SPINK6: variants seen among roughly 807,000 people sequenced by gnomAD.
The protein encoded by SPINK6 is serine protease inhibitor Kazal-type 6.
In SPINK6, 13 loss-of-function variants were observed where a neutral mutation model predicts 11.7. The observed-to-expected ratio is 1.11, with a 90% confidence interval of 0.72 to 1.76. The LOEUF is 1.76. SPINK6 is among the 40% of genes most tolerant of loss of function. The pLI is 0.00. For missense variants in SPINK6, 98 were observed against 93.7 expected, an observed-to-expected ratio of 1.05 and a Z score of -0.19; for synonymous variants, 21 against 31.9, an observed-to-expected ratio of 0.66 and a Z score of 1.15.
Position 148,203,367 on chromosome 5 carries a change from C to T in SPINK6, c.58+213C>T, listed in dbSNP as rs186002620. On this transcript the variant is annotated intron_variant, in intron 1 of 3. Transcript: ENST00000325630. ...TGTTGAGCATATACTATATTCTAGG[C>T]ATGTACGAAGGGATTTTATGTATTG... Among the ~76,000 whole-genome samples, 197 of 152,108 alleles carry T rather than the reference C, an allele frequency of 1.3e-3. 1 individual carries two copies. Among genetic ancestry groups the T allele is most frequent in the African/African-American group, 4.6e-3 (189 of 41,492 alleles).
At chr5:148,210,224 A>G (rs145632715) in intron 2 of SPINK6, among the ~76,000 whole-genome samples, 96 of 133,194 alleles carry the variant, frequency 7.2e-4, no homozygotes, top group African/African-American at 2.7e-3. Flanking sequence ...ATGCATATGT[A>G]TTTCTGCATG....
chr5:148,203,842 C>T (rs1047039366), intron 1 of SPINK6, among the ~76,000 whole-genome samples: 1 of 152,088 alleles, frequency 6.6e-6, no homozygotes, highest in African/African-American at 2.4e-5. Context: ...TTTTTTAAGA[C>T]AGAACCATCG....
At chr5:148,205,897 A>G in intron 1 of SPINK6, 139 bp from the exon 2 acceptor site, 1 of 924,190 alleles carries the variant, frequency 1.1e-6, no homozygotes. Flanking sequence ...GAAGAAAACA[A>G]AAACAAACAA....
Position 148,214,903 on chromosome 5 carries a change from AG to A in SPINK6, c.198del. On this transcript the variant is annotated splice_acceptor_variant, in intron 3 of 3. Transcript: ENST00000325630. LOFTEE classifies it high-confidence loss of function. ...GTATATATTTGTCTTTCTTTTTTGT[AG>A]GAAAAGTGGTGGAAAGATTAGCCTA... 6.2e-7 allele frequency: 1 copy of A among 1,613,162 alleles called. No individual in the cohort carries two copies. The highest frequency in any genetic ancestry group is 8.5e-7 in the Non-Finnish European group (1 of 1,179,444).
At position 148,206,063 on chromosome 5, in the gene SPINK6, G is replaced by A. The variant is rs376782164; in HGVS notation, c.81+5G>A. 24 of 1,614,004 alleles carry A rather than the reference G, an allele frequency of 1.5e-5. No homozygotes were observed. Among genetic ancestry groups the A allele is most frequent in the Non-Finnish European group, 1.9e-5 (23 of 1,179,934 alleles). ...GTCTTCAGTCAGGGAGGACAGGTCA[G>A]TGCCTATTTTTATCTCTGCTTTCTG... is the stretch of plus-strand genomic sequence containing the variant. On this transcript the variant is annotated splice_donor_5th_base_variant and intron_variant, in intron 2 of 3. Transcript: ENST00000325630.
At chr5:148,214,139 A>C (rs1755652299) in intron 3 of SPINK6, 114 bp downstream of exon 3, 1 of 522,462 alleles carries the variant, frequency 1.9e-6, no homozygotes, top group Admixed American at 3.7e-5. Flanking sequence ...TAGAGACTGA[A>C]GAAACAAGCT....
chr5:148,209,991 T>TACACACGTACGTAGGTATGTATAC (rs1398978551), intron 2 of SPINK6, among the ~76,000 whole-genome samples: 1 of 145,404 alleles, frequency 6.9e-6, no homozygotes. Context: ...TATGTATACA[T>TACACACGTACGTAGGTATGTATAC]ATACACGTAT....
At chr5:148,205,891 A>G (rs957576965) in intron 1 of SPINK6, 145 bp from the exon 2 acceptor site, 172 of 850,650 alleles carry the variant, frequency 2.0e-4, no homozygotes, top group Admixed American at 6.9e-4. Context: ...GAAGAAGAAG[A>G]AAACAAAAAC....
intron 2 of SPINK6, among the ~76,000 whole-genome samples, chr5:148,212,662 ATATT>A (rs1363557107): frequency 9.6e-6 from 1 of 103,968 alleles, no homozygotes; most frequent in Admixed American, 1.3e-4. Flanking sequence ...ATATATTTAT[ATATT>A]TATATAATAT....
At chr5:148,209,330 G>A (rs1366628023) in intron 2 of SPINK6, among the ~76,000 whole-genome samples, 1 of 152,184 alleles carries the variant, frequency 6.6e-6, no homozygotes, top group Non-Finnish European at 1.5e-5. Context: ...TCCATCTGGA[G>A]TGAGCTTTCC....
rs911859194 is a variant in SPINK6, at chr5:148,212,737, ATATT to A, written c.82-1169_82-1166del. 8.1e-3 allele frequency among the ~76,000 whole-genome samples: 1,022 copies of A among 126,804 alleles called. 6 individuals carry two copies. Among genetic ancestry groups the A allele is most frequent in the South Asian group, 0.024 (107 of 4,382 alleles). 83.2% of individuals were successfully genotyped at this position (126,804 alleles called of 152,430 possible). On this transcript the variant is annotated intron_variant, in intron 2 of 3. Coordinates refer to ENST00000325630, the MANE Select transcript of SPINK6 (RefSeq NM_205841.4). The stretch of plus-strand genomic sequence containing the variant: ...AGTTTATATATTTTATATAAACTAT[ATATT>A]TATACATTTTATATAAAGTATATAT...
intron 2 of SPINK6, among the ~76,000 whole-genome samples, chr5:148,213,024 A>C (rs1299507496): frequency 6.7e-6 from 1 of 149,486 alleles, no homozygotes; most frequent in Non-Finnish European, 1.5e-5. Context: ...GATAGAGTAT[A>C]TATATACTTG....
intron 1 of SPINK6, 34 bp from the exon 2 acceptor site, chr5:148,206,002 A>G: frequency 3.7e-6 from 6 of 1,613,164 alleles, no homozygotes; most frequent in Non-Finnish European, 5.1e-6. Context: ...ACATCAATGA[A>G]TTACAGTGTT....
At chr5:148,203,942 C>T (rs1235070322) in intron 1 of SPINK6, among the ~76,000 whole-genome samples, 1 of 152,108 alleles carries the variant, frequency 6.6e-6, no homozygotes, top group East Asian at 1.9e-4. Flanking sequence ...GTTTTTAGAC[C>T]TAAGACCTAG....
intron 2 of SPINK6, among the ~76,000 whole-genome samples, chr5:148,212,779 T>G (rs943984960): frequency 1.5e-5 from 2 of 134,318 alleles, no homozygotes; most frequent in Non-Finnish European, 3.1e-5. Flanking sequence ...TATATATTTA[T>G]ATATTATATT....
chr5:148,208,697 G>A (rs1755531298), intron 2 of SPINK6, among the ~76,000 whole-genome samples: 1 of 152,166 alleles, frequency 6.6e-6, no homozygotes, highest in African/African-American at 2.4e-5. Flanking sequence ...CAAGGAGATA[G>A]ATTAAATGGC....
intron 2 of SPINK6, among the ~76,000 whole-genome samples, chr5:148,210,011 T>TACGTATGTATGTATAC (rs1561732242): frequency 6.6e-6 from 1 of 150,966 alleles, no homozygotes; most frequent in Non-Finnish European, 1.5e-5. Context: ...TGTATACATG[T>TACGTATGTATGTATAC]ATGTACGCAT....
chr5:148,209,991 T>TACACACGTACGTATGTATGTAGAC (rs1398978551), intron 2 of SPINK6, among the ~76,000 whole-genome samples: 1 of 145,404 alleles, frequency 6.9e-6, no homozygotes, highest in Non-Finnish European at 1.5e-5. Context: ...TATGTATACA[T>TACACACGTACGTATGTATGTAGAC]ATACACGTAT....
At chr5:148,207,243 A>C (rs1442424291) in intron 2 of SPINK6, among the ~76,000 whole-genome samples, 1 of 152,230 alleles carries the variant, frequency 6.6e-6, no homozygotes, top group Non-Finnish European at 1.5e-5. Context: ...ATTAGGTAGT[A>C]AAATATAGTA....
Sources: allele counts gnomAD v4.1 joint callset (sites outside exome capture counted in the v4.1 genomes callset), GRCh38; gene constraint gnomAD v4.1.1; transcripts MANE v1.5; gene names NCBI Gene and HGNC (gene_info 2026-07-23, HGNC 2026-07-21).